The following FILIP1L variants were observed in gnomAD, a reference collection of about 807,000 sequenced individuals.
FILIP1L encodes filamin A interacting protein 1 like.
In FILIP1L, 55 loss-of-function variants were observed where a neutral mutation model predicts 96.6. The ratio of observed to expected loss-of-function variants is 0.57; its 90% CI spans 0.46 to 0.71. The LOEUF (loss-of-function observed/expected upper bound fraction) is 0.71, where lower values mean the gene tolerates loss of function less well. FILIP1L is among the 30% of genes least tolerant of loss of function. FILIP1L has a pLI of 0.00. For missense variants in FILIP1L, 1,304 were observed against 1,321.2 expected, an observed-to-expected ratio of 0.99 and a Z score of 0.20; for synonymous variants, 467 against 473.9, an observed-to-expected ratio of 0.99 and a Z score of 0.19.
intron 1 of FILIP1L, among the ~76,000 whole-genome samples, chr3:100,102,014 C>G (rs1036099214): frequency 6.6e-5 from 10 of 152,142 alleles, no homozygotes; most frequent in African/African-American, 2.2e-4. Context: ...TTAATCCAGT[C>G]GATCATTGTT....
intron 3 of FILIP1L, among the ~76,000 whole-genome samples, 189 bp downstream of exon 3, chr3:99,929,667 C>T (rs995853630): frequency 2.6e-5 from 4 of 152,230 alleles, no homozygotes; most frequent in East Asian, 1.9e-4. Context: ...ACCTAGTGGA[C>T]GCATCCTGTC....
At chr3:99,927,901 G>A (rs1489054964) in intron 3 of FILIP1L, among the ~76,000 whole-genome samples, 1 of 152,168 alleles carries the variant, frequency 6.6e-6, no homozygotes, top group African/African-American at 2.4e-5. Flanking sequence ...TCTTAAGTCA[G>A]TGTTCCTGTC....
chr3:100,006,892 A>G (rs1710004216), intron 1 of FILIP1L, among the ~76,000 whole-genome samples: 1 of 152,236 alleles, frequency 6.6e-6, no homozygotes, highest in South Asian at 2.1e-4. Flanking sequence ...AAATTGAACT[A>G]TCTCTAATAT....
intron 4 of FILIP1L, 49 bp downstream of exon 4, chr3:99,924,181 C>T: frequency 2.0e-6 from 3 of 1,504,340 alleles, no homozygotes; most frequent in Non-Finnish European, 2.7e-6. Flanking sequence ...GTACAGTGGC[C>T]AGCTCATAGA....
rs142285444 is a variant in FILIP1L, at chr3:100,013,339, G to A, written c.-10-82309C>T. Among the ~76,000 whole-genome samples, 1,091 of 152,068 alleles carry A rather than the reference G, an allele frequency of 7.2e-3. 4 individuals are homozygous for A. Among genetic ancestry groups the A allele is most frequent in the African/African-American group, 1.0e-2 (413 of 41,454 alleles). ...GCTCACTGAATCCTCCACTTCCCAG[G>A]TTCAAGCGATTCTCCTGCCTCAGCC... On this transcript the variant is annotated intron_variant, in intron 1 of 5. Coordinates refer to ENST00000477258, the MANE Select transcript of FILIP1L (RefSeq NM_001387850.1).
At position 99,836,584 on chromosome 3, in the gene FILIP1L, C is replaced by T. The variant is rs545951922; in HGVS notation, c.3382-5979G>A. ...CTCTTTTCTTCTCCCACCATAGGTA[C>T]TTCTACATCCCTTTCCCAGAGCCTG... On this transcript the variant is annotated intron_variant, in intron 5 of 5. Coordinates refer to ENST00000477258, the MANE Select transcript of FILIP1L (RefSeq NM_001387850.1). 3.9e-5 allele frequency among the ~76,000 whole-genome samples: 6 copies of T among 152,304 alleles called. No homozygotes were observed. The South Asian group carries it at 1.2e-3, about 32-fold the overall frequency.
At chr3:99,866,135 T>C (rs770118089) in intron 4 of FILIP1L, among the ~76,000 whole-genome samples, 4 of 152,078 alleles carry the variant, frequency 2.6e-5, no homozygotes, top group Non-Finnish European at 4.4e-5. Context: ...CCAGAACTTA[T>C]TCTGAGCAAA....
rs144010618 is a variant in FILIP1L at position 100,015,963 on chromosome 3, G to A, written c.-10-84933C>T. ...AATCAAATTCACAAAAAGACAGATTGCCTTTTTAATTTTTTTATTTTCTAA... is the reference window on the plus strand; with the variant it reads ...AATCAAATTCACAAAAAGACAGATTACCTTTTTAATTTTTTTATTTTCTAA... On this transcript the variant is annotated intron_variant, in intron 1 of 5. Transcript: ENST00000477258. Among the ~76,000 whole-genome samples the A allele has an allele frequency of 4.6e-3, 703 of 152,214 alleles. 2 individuals are homozygous for A. Among genetic ancestry groups the A allele is most frequent in the South Asian group, 6.8e-3 (33 of 4,822 alleles).
chr3:99,942,146 G>A (rs1180314912), intron 1 of FILIP1L, among the ~76,000 whole-genome samples: 1 of 151,600 alleles, frequency 6.6e-6, no homozygotes, highest in Non-Finnish European at 1.5e-5. Flanking sequence ...GCTTTGTAGT[G>A]AGCCGAGATC....
chr3:99,991,836 A>G (rs112565081), intron 1 of FILIP1L, among the ~76,000 whole-genome samples: 4,966 of 143,434 alleles, frequency 0.035, 270 homozygotes, highest in African/African-American at 0.12. Flanking sequence ...ATATATATAT[A>G]TGTGTGTGTG....
intron 1 of FILIP1L, among the ~76,000 whole-genome samples, chr3:100,081,182 A>G (rs187190780): frequency 2.5e-4 from 38 of 152,306 alleles, no homozygotes; most frequent in African/African-American, 9.1e-4. Context: ...ATCCTCTCTC[A>G]AGATGGAACT....
intron 1 of FILIP1L, chr3:100,039,721 C>T (rs1028350734): frequency 4.0e-5 from 6 of 151,858 alleles, no homozygotes; most frequent in South Asian, 2.1e-4. Context: ...TGGTAATTCC[C>T]CCCAGTGGTT....
At position 99,829,658 on chromosome 3, in the gene FILIP1L, G is replaced by T. The variant is rs991888835; in HGVS notation, c.*756C>A. On this transcript the variant is annotated 3_prime_UTR_variant, in exon 6 of 6. Coordinates refer to ENST00000477258, the MANE Select transcript of FILIP1L (RefSeq NM_001387850.1). ...GTTGAATCAACTGATTTTCGATAGT[G>T]TTTATTCAGAGAAGAGATATGAATA... Among the ~76,000 whole-genome samples, 1 of 152,122 alleles carries T rather than the reference G, an allele frequency of 6.6e-6. No individual in the cohort carries two copies. Among genetic ancestry groups the T allele is most frequent in the African/African-American group, 2.4e-5 (1 of 41,428 alleles).
intron 1 of FILIP1L, among the ~76,000 whole-genome samples, chr3:100,099,784 G>T (rs151098409): frequency 6.6e-6 from 1 of 152,104 alleles, no homozygotes. Context: ...AACCTAACAG[G>T]CCACCAAGGA....
chr3:99,879,607 T>C (rs1233780795), intron 4 of FILIP1L, among the ~76,000 whole-genome samples: 1 of 152,220 alleles, frequency 6.6e-6, no homozygotes, highest in Non-Finnish European at 1.5e-5. Context: ...CAGTAATTAA[T>C]AGGATGTTTC....
chr3:99,970,463 C>G (rs1708780505), intron 1 of FILIP1L, among the ~76,000 whole-genome samples: 1 of 152,272 alleles, frequency 6.6e-6, no homozygotes, highest in Non-Finnish European at 1.5e-5. Flanking sequence ...CTCACATACT[C>G]TGTGCTTCCC....
chr3:100,033,865 T>G (rs2065062274), intron 1 of FILIP1L, among the ~76,000 whole-genome samples: 1 of 152,200 alleles, frequency 6.6e-6, no homozygotes, highest in Non-Finnish European at 1.5e-5. Flanking sequence ...TTTTCCTAAG[T>G]GAACATCTAG....
At chr3:100,064,876 G>A (rs1559745286) in intron 1 of FILIP1L, among the ~76,000 whole-genome samples, 1 of 152,048 alleles carries the variant, frequency 6.6e-6, no homozygotes, top group Non-Finnish European at 1.5e-5. Flanking sequence ...TTTGGCCAGG[G>A]GCCTGGGGGT....
intron 1 of FILIP1L, among the ~76,000 whole-genome samples, chr3:100,087,582 T>G (rs1018758439): frequency 3.9e-5 from 6 of 152,158 alleles, no homozygotes; most frequent in Non-Finnish European, 8.8e-5. Flanking sequence ...TTTAATTGTT[T>G]TCTTATTATT....
Sources: allele counts gnomAD v4.1 joint callset (sites outside exome capture counted in the v4.1 genomes callset), GRCh38; gene constraint gnomAD v4.1.1; transcripts MANE v1.5; gene names NCBI Gene and HGNC (gene_info 2026-07-23, HGNC 2026-07-21).